Variants in CPNE4 observed in about 807,000 individuals in gnomAD.
The protein encoded by CPNE4 is copine 4.
A neutral mutation model predicts 67.9 loss-of-function variants in CPNE4; 25 were observed. That is an observed-to-expected ratio of 0.37 (90% CI 0.27 to 0.51). The LOEUF (loss-of-function observed/expected upper bound fraction) is 0.51. Among genes scored for constraint, CPNE4 ranks in the 20% least tolerant of loss-of-function variants. The pLI is 0.93. For missense variants in CPNE4, 464 were observed against 690.8 expected, an observed-to-expected ratio of 0.67 and a Z score of 3.68; for synonymous variants, 242 against 244.9, an observed-to-expected ratio of 0.99 and a Z score of 0.11.
chr3:131,937,953 A>G (rs2071273082), intron 1 of CPNE4, among the ~76,000 whole-genome samples: 1 of 152,190 alleles, frequency 6.6e-6, no homozygotes, highest in Non-Finnish European at 1.5e-5. Context: ...CTTGTAAGAT[A>G]AATAAAGGAC....
intron 2 of CPNE4, among the ~76,000 whole-genome samples, chr3:131,853,912 A>G (rs1182315663): frequency 6.6e-6 from 1 of 151,912 alleles, no homozygotes; most frequent in Non-Finnish European, 1.5e-5. Flanking sequence ...CATGTAGAGC[A>G]ACTGGAAATC....
rs1415063567 is a variant in CPNE4 at position 132,005,364 on chromosome 3, CACACACACAT to C, written c.-2+29193_-2+29202del. The stretch of plus-strand genomic sequence containing the variant: ...ATATACACACACACACACACACACA[CACACACACAT>C]ATATGTTTATATTTCTATCATATAT... On this transcript the variant is annotated intron_variant, in intron 1 of 15. Transcript: ENST00000429747. 4.6e-3 allele frequency among the ~76,000 whole-genome samples: 412 copies of C among 90,220 alleles called. 9 individuals carry two copies. The highest frequency in any genetic ancestry group is 0.013 in the Middle Eastern group (2 of 150). The allele number at this position is 90,220 out of a possible 152,430, so 59.2% of individuals were successfully genotyped here. A position where few individuals can be genotyped will look rare whatever the true frequency, so the allele number is the denominator to read the frequency against.
chr3:131,643,191 C>T (rs557513619), intron 7 of CPNE4, among the ~76,000 whole-genome samples: 4 of 152,270 alleles, frequency 2.6e-5, no homozygotes, highest in Non-Finnish European at 4.4e-5. Context: ...TATGCTTTAG[C>T]GAAGAGTTTG....
chr3:131,857,673 C>T (rs925329351), intron 2 of CPNE4, among the ~76,000 whole-genome samples: 1 of 151,936 alleles, frequency 6.6e-6, no homozygotes, highest in African/African-American at 2.4e-5. Context: ...CTTTCTAGTG[C>T]CCACTTTCTA....
At chr3:131,910,109 C>A (rs1340776396) in intron 1 of CPNE4, among the ~76,000 whole-genome samples, 2 of 152,088 alleles carry the variant, frequency 1.3e-5, no homozygotes, top group Admixed American at 1.3e-4. Context: ...TTCTATTCCT[C>A]CTTTTCCCAT....
intron 14 of CPNE4, among the ~76,000 whole-genome samples, chr3:131,544,117 A>G (rs1223681910): frequency 1.3e-5 from 2 of 152,220 alleles, no homozygotes; most frequent in Non-Finnish European, 2.9e-5. Flanking sequence ...AGAGAAGCAG[A>G]TTAGTCAGAT....
chr3:131,839,460 G>A (rs577369420), intron 2 of CPNE4, among the ~76,000 whole-genome samples: 33 of 150,866 alleles, frequency 2.2e-4, no homozygotes, highest in African/African-American at 7.5e-4. Context: ...CTTAATTTAT[G>A]CTGATTTATA....
At chr3:131,997,941 T>C (rs573035269) in intron 1 of CPNE4, among the ~76,000 whole-genome samples, 2 of 152,242 alleles carry the variant, frequency 1.3e-5, no homozygotes, top group East Asian at 3.9e-4. Context: ...TCCATGATAA[T>C]GACATTGATC....
chr3:131,663,296 C>T (rs2080173800), intron 7 of CPNE4, among the ~76,000 whole-genome samples: 1 of 151,750 alleles, frequency 6.6e-6, no homozygotes, highest in South Asian at 2.1e-4. Context: ...GAACATCATA[C>T]ATCGGGGCCT....
chr3:131,610,164 T>C (rs1939750288), intron 7 of CPNE4, among the ~76,000 whole-genome samples: 1 of 152,152 alleles, frequency 6.6e-6, no homozygotes, highest in African/African-American at 2.4e-5. Flanking sequence ...GGTACTGTGC[T>C]AGTCACTGTA....
chr3:131,697,405 T>C (rs1583037641), intron 4 of CPNE4, among the ~76,000 whole-genome samples: 1 of 152,238 alleles, frequency 6.6e-6, no homozygotes. Context: ...CCACAGCACA[T>C]GGATACGCTT....
At chr3:131,535,706 C>G (rs377119368) in intron 15 of CPNE4, among the ~76,000 whole-genome samples, 1 of 152,102 alleles carries the variant, frequency 6.6e-6, no homozygotes, top group Admixed American at 6.5e-5. Flanking sequence ...GCTGTAATCA[C>G]GAGGGGAACT....
chr3:131,685,263 T>C (rs2080862041), intron 6 of CPNE4, among the ~76,000 whole-genome samples: 1 of 152,222 alleles, frequency 6.6e-6, no homozygotes, highest in Non-Finnish European at 1.5e-5. Flanking sequence ...GCTTGGCACC[T>C]AGATGCCTAA....
At chr3:131,698,883 C>G (rs1246862426) in intron 4 of CPNE4, among the ~76,000 whole-genome samples, 1 of 124,538 alleles carries the variant, frequency 8.0e-6, no homozygotes, top group Non-Finnish European at 1.6e-5. Context: ...GCACTCCAGT[C>G]TGGGTGACAG....
chr3:131,838,164 C>G (rs369710937), intron 2 of CPNE4, among the ~76,000 whole-genome samples: 5 of 151,766 alleles, frequency 3.3e-5, no homozygotes, highest in Admixed American at 2.0e-4. Flanking sequence ...ATAAAAATGT[C>G]AAAAAATGAT....
rs2082634909 is a variant in CPNE4, at chr3:131,751,784, TTTG to T, written c.181-28162_181-28160del. Among the ~76,000 whole-genome samples the T allele has an allele frequency of 8.2e-5, 8 of 97,612 alleles. No homozygotes were observed. The East Asian group carries it at 1.0e-3, about 12-fold the overall frequency. The allele number at this position is 97,612 out of a possible 152,430, so 64.0% of individuals were successfully genotyped here. On this transcript the variant is annotated intron_variant, in intron 2 of 15. Coordinates refer to ENST00000429747, the MANE Select transcript of CPNE4 (RefSeq NM_130808.3). ...TAGCTGTTTTTTTTTTGTTTTTTTG[TTTG>T]TTTGTTTGTTTTTTCGACACTGCTT...
chr3:131,628,698 G>T (rs2079141631), intron 7 of CPNE4, among the ~76,000 whole-genome samples: 1 of 152,192 alleles, frequency 6.6e-6, no homozygotes, highest in African/African-American at 2.4e-5. Context: ...GGTGTTTATA[G>T]TATTCTCTGA....
chr3:131,828,435 C>A (rs1044475864), intron 2 of CPNE4, among the ~76,000 whole-genome samples: 2 of 152,202 alleles, frequency 1.3e-5, no homozygotes, highest in African/African-American at 4.8e-5. Context: ...AAATTGTCTA[C>A]AAAATTAATC....
At chr3:131,717,363 A>C (rs976828854) in intron 3 of CPNE4, among the ~76,000 whole-genome samples, 3 of 152,156 alleles carry the variant, frequency 2.0e-5, no homozygotes, top group African/African-American at 7.2e-5. Context: ...GGCACGTTCA[A>C]AAAATTTCCT....
Sources: gnomAD v4.1 joint callset for allele counts (sites outside exome capture counted in the v4.1 genomes callset) on GRCh38, gnomAD v4.1.1 for gene constraint, MANE v1.5 for transcripts, NCBI Gene and HGNC (gene_info 2026-07-23, HGNC 2026-07-21) for gene names.